The following KDELR2 variants were observed in gnomAD, a reference collection of about 807,000 sequenced individuals.
The protein encoded by KDELR2 is ER lumen protein-retaining receptor 2.
A neutral mutation model predicts 23.9 loss-of-function variants in KDELR2; 15 were observed. That is an observed-to-expected ratio of 0.63 (90% CI 0.42 to 0.97). The LOEUF (loss-of-function observed/expected upper bound fraction) is 0.97, where lower values mean the gene tolerates loss of function less well. KDELR2 is among the 50% of genes least tolerant of loss of function. The probability of loss-of-function intolerance (pLI) is 0.00; values close to 1 mark genes in which losing one functional copy is unlikely to be tolerated. For missense variants in KDELR2, 272 were observed against 254.6 expected (o/e 1.07, Z -0.46); for synonymous variants, 119 against 106.2 (o/e 1.12, Z -0.74).
intron 1 of KDELR2, among the ~76,000 whole-genome samples, chr7:6,474,716 G>C (rs1158380789): frequency 6.6e-6 from 1 of 152,168 alleles, no homozygotes; most frequent in Non-Finnish European, 1.5e-5. Flanking sequence ...CCAGGCTGGA[G>C]TGCAGAGGCA....
At chr7:6,477,197 C>G (rs536724090) in intron 1 of KDELR2, among the ~76,000 whole-genome samples, 1 of 152,164 alleles carries the variant, frequency 6.6e-6, no homozygotes, top group Non-Finnish European at 1.5e-5. Context: ...GGTTTGAAGC[C>G]GGTCCATGGA....
intron 1 of KDELR2, among the ~76,000 whole-genome samples, chr7:6,478,262 C>T (rs1785797557): frequency 6.6e-6 from 1 of 152,048 alleles, no homozygotes; most frequent in South Asian, 2.1e-4. Flanking sequence ...ATTCTCCCTC[C>T]TTAGCCACCT....
At chr7:6,479,283 G>C (rs551850598) in intron 1 of KDELR2, among the ~76,000 whole-genome samples, 1 of 151,488 alleles carries the variant, frequency 6.6e-6, no homozygotes, top group Non-Finnish European at 1.5e-5. Context: ...TCAGCCTTCT[G>C]AGTAGCTGGG....
intron 1 of KDELR2, among the ~76,000 whole-genome samples, chr7:6,479,455 A>G (rs1785837148): frequency 6.6e-6 from 1 of 152,108 alleles, no homozygotes; most frequent in Non-Finnish European, 1.5e-5. Flanking sequence ...AAGACCGGCC[A>G]AGAACAAAAA....
chr7:6,470,411 G>C (rs1785605085), intron 2 of KDELR2: 1 of 152,164 alleles, frequency 6.6e-6, no homozygotes, highest in South Asian at 2.1e-4. Context: ...AGTGTGAGTG[G>C]GTGTGGGTGA....
chr7:6,483,710 C>T (rs1478005019), intron 1 of KDELR2, among the ~76,000 whole-genome samples: 1 of 152,216 alleles, frequency 6.6e-6, no homozygotes, highest in Non-Finnish European at 1.5e-5. Flanking sequence ...CCCGCGCAGC[C>T]GGGTGCGCTC....
chr7:6,472,624 T>C (rs967548449), intron 2 of KDELR2, among the ~76,000 whole-genome samples: 1 of 152,168 alleles, frequency 6.6e-6, no homozygotes, highest in Non-Finnish European at 1.5e-5. Context: ...CCATTATAAG[T>C]GACTCAAATT....
chr7:6,468,740 G>C (rs555492980), intron 3 of KDELR2, among the ~76,000 whole-genome samples: 7 of 152,076 alleles, frequency 4.6e-5, no homozygotes, highest in African/African-American at 9.6e-5. Context: ...CCTTGACTTC[G>C]TGTCCCACCT....
chr7:6,479,227 G>A (rs1479223481), intron 1 of KDELR2, among the ~76,000 whole-genome samples: 2 of 151,988 alleles, frequency 1.3e-5, no homozygotes, highest in Non-Finnish European at 2.9e-5. Context: ...GTGTGATCAC[G>A]GCTCGCTGCA....
At position 6,469,378 on chromosome 7, in the gene KDELR2, T is replaced by C. The variant is rs1457560129; in HGVS notation, c.351+218A>G. Among the ~76,000 whole-genome samples the C allele has an allele frequency of 5.3e-5, 8 of 152,162 alleles. No homozygotes were observed. The East Asian group carries it at 1.6e-3, about 29-fold the overall frequency. ...TCAAGTGATTCTCCTGCCTCAGCCTTCTGAGTAACTGAGATTACAGGTGCG... is the reference window on the plus strand; with the variant it reads ...TCAAGTGATTCTCCTGCCTCAGCCTCCTGAGTAACTGAGATTACAGGTGCG... On this transcript the variant is annotated intron_variant, in intron 3 of 4. Transcript: ENST00000258739.
At chr7:6,472,740 C>G (rs1785676688) in intron 2 of KDELR2, among the ~76,000 whole-genome samples, 1 of 152,006 alleles carries the variant, frequency 6.6e-6, no homozygotes, top group Non-Finnish European at 1.5e-5. Context: ...GTTTAGGTGC[C>G]ATACCAATAG....
chr7:6,463,247 T>C, intron 4 of KDELR2, 72 bp from the exon 5 acceptor site: 2 of 1,185,882 alleles, frequency 1.7e-6, no homozygotes. Context: ...CTTCTTCCCA[T>C]TCCTAGAAGT....
intron 1 of KDELR2, among the ~76,000 whole-genome samples, chr7:6,478,054 C>G (rs755933362): frequency 2.6e-5 from 4 of 152,154 alleles, no homozygotes; most frequent in African/African-American, 4.8e-5. Flanking sequence ...TGCCAATTTA[C>G]GTATCTACTA....
rs1019380948 is a variant in KDELR2, at chr7:6,465,949, A to G, written c.604+122T>C. On this transcript the variant is annotated intron_variant, in intron 4 of 4. Transcript: ENST00000258739. ...TCCTGATCCAGAATGTTATTGGCCA[A>G]TCATGAAAGTGTTTCTCTGGAGCCA... The G allele has an allele frequency of 5.9e-6, 6 of 1,009,298 alleles. No homozygotes were observed. In the African/African-American group the frequency reaches 8.0e-5, roughly 14 times the overall value. The allele number at this position is 1,009,298 out of a possible 1,614,324, so 62.5% of individuals were successfully genotyped here.
chr7:6,463,199 G>T, intron 4 of KDELR2, 24 bp from the exon 5 acceptor site: 1 of 1,591,164 alleles, frequency 6.3e-7, no homozygotes, highest in Non-Finnish European at 8.6e-7. Flanking sequence ...GAGAAGAAAA[G>T]AAAACAAAAG....
At chr7:6,474,968 T>C (rs540030197) in intron 1 of KDELR2, among the ~76,000 whole-genome samples, 14 of 152,250 alleles carry the variant, frequency 9.2e-5, no homozygotes, top group Non-Finnish European at 1.8e-4. Flanking sequence ...AGTATCTCCA[T>C]GGTGAGAAAT....
intron 1 of KDELR2, among the ~76,000 whole-genome samples, chr7:6,479,736 CA>C (rs961115097): frequency 1.3e-5 from 2 of 152,164 alleles, no homozygotes; most frequent in Non-Finnish European, 2.9e-5. Context: ...CTTGGCCTCC[CA>C]AAGTCCTAGG....
intron 1 of KDELR2, among the ~76,000 whole-genome samples, chr7:6,482,832 CA>C (rs10525658): frequency 0.28 from 33,788 of 120,222 alleles, 5,190 homozygotes; most frequent in Middle Eastern, 0.41. Context: ...CAAAAAATAG[CA>C]AAAAAAAAAA....
At chr7:6,479,896 G>T (rs1222392087) in intron 1 of KDELR2, among the ~76,000 whole-genome samples, 1 of 152,256 alleles carries the variant, frequency 6.6e-6, no homozygotes, top group African/African-American at 2.4e-5. Context: ...ACTCAAAAGA[G>T]CACAGGCCAA....
Sources: gnomAD v4.1 joint callset for allele counts (sites outside exome capture counted in the v4.1 genomes callset) on GRCh38, gnomAD v4.1.1 for gene constraint, MANE v1.5 for transcripts, NCBI Gene and HGNC (gene_info 2026-07-23, HGNC 2026-07-21) for gene names.